The following OXR1 variants were observed in gnomAD, a reference collection of about 807,000 sequenced individuals.
OXR1 encodes oxidation resistance protein 1.
A neutral mutation model predicts 104.6 loss-of-function variants in OXR1; 41 were observed. That is an observed-to-expected ratio of 0.39 (90% CI 0.31 to 0.51). The LOEUF (loss-of-function observed/expected upper bound fraction) is 0.51. Ranked by LOEUF, OXR1 falls within the 20% of genes least tolerant of loss-of-function variation. The pLI is 0.77. For synonymous variants in OXR1, 348 were observed against 348.4 expected (o/e 1.00, Z 0.01); for missense variants, 955 against 1,031.9 (o/e 0.93, Z 1.02).
intron 3 of OXR1, among the ~76,000 whole-genome samples, chr8:106,620,256 T>C (rs1047284147): frequency 6.6e-6 from 1 of 152,218 alleles, no homozygotes; most frequent in Admixed American, 6.5e-5. Flanking sequence ...TTTCAAATTT[T>C]AACTTTTTAA....
At chr8:106,714,550 T>G (rs193044722) in intron 11 of OXR1, among the ~76,000 whole-genome samples, 3 of 152,212 alleles carry the variant, frequency 2.0e-5, no homozygotes, top group Non-Finnish European at 4.4e-5. Context: ...ATGCTCAGAT[T>G]TACTGAACTT....
intron 2 of OXR1, among the ~76,000 whole-genome samples, chr8:106,403,441 C>G (rs1818083830): frequency 6.6e-6 from 1 of 152,220 alleles, no homozygotes; most frequent in Non-Finnish European, 1.5e-5. Context: ...GGGTGTAGTT[C>G]CCACAGTAAG....
At chr8:106,388,249 A>T (rs376158491) in intron 2 of OXR1, among the ~76,000 whole-genome samples, 90 of 152,268 alleles carry the variant, frequency 5.9e-4, no homozygotes, top group African/African-American at 2.1e-3. Flanking sequence ...TTATTTGAAG[A>T]CCTAGTTGTA....
intron 2 of OXR1, among the ~76,000 whole-genome samples, chr8:106,378,584 A>G (rs540571610): frequency 6.6e-6 from 1 of 152,294 alleles, no homozygotes; most frequent in South Asian, 2.1e-4. Flanking sequence ...ATCTCGGCTC[A>G]CCACAACTTC....
intron 3 of OXR1, among the ~76,000 whole-genome samples, chr8:106,642,882 A>G (rs1308571627): frequency 6.6e-6 from 1 of 152,196 alleles, no homozygotes; most frequent in Non-Finnish European, 1.5e-5. Flanking sequence ...TCTTCTGCGT[A>G]TTAGAAAGAT....
intron 2 of OXR1, among the ~76,000 whole-genome samples, chr8:106,416,643 A>T (rs1818690395): frequency 6.6e-6 from 1 of 152,074 alleles, no homozygotes. Flanking sequence ...GTAAGAATTC[A>T]ATTTGTATTA....
intron 7 of OXR1, among the ~76,000 whole-genome samples, chr8:106,699,357 A>C (rs1382594716): frequency 6.6e-6 from 1 of 152,104 alleles, no homozygotes; most frequent in African/African-American, 2.4e-5. Flanking sequence ...AAGCTTTCTC[A>C]CTGGACAGTG....
rs779174203 is a variant in OXR1 at position 106,707,246 on chromosome 8, G to A, written c.1624+101G>A. ...CCGCTGTACCTTAGGGCAACCTGAA[G>A]GATAAGTGAGTGACCCTTGACCGGT... On this transcript the variant is annotated intron_variant, in intron 9 of 16. Coordinates refer to ENST00000517566, the MANE Select transcript of OXR1 (RefSeq NM_001198533.2). 7 of 944,404 alleles carry A rather than the reference G, an allele frequency of 7.4e-6. No homozygotes were observed. The Admixed American group carries it at 1.1e-4, about 15-fold the overall frequency. The allele number at this position is 944,404 out of a possible 1,614,324, so 58.5% of individuals were successfully genotyped here. A position where few individuals can be genotyped will look rare whatever the true frequency, so the allele number is the denominator to read the frequency against.
chr8:106,706,714 C>G lies in OXR1; in HGVS notation c.1193C>G (p.Thr398Ser). 2 of 1,611,512 alleles carry G rather than the reference C, an allele frequency of 1.2e-6. No homozygotes were observed. The highest frequency in any genetic ancestry group is 1.1e-5 in the South Asian group (1 of 90,366). Residue 398 changes from threonine to serine, a missense_variant, in exon 9 of 17, where the codon ACT becomes AGT. This residue lies in a region of OXR1 where 849 missense variants were observed against 852.9 expected (regional missense o/e 1.00). Coordinates refer to ENST00000517566, the MANE Select transcript of OXR1 (RefSeq NM_001198533.2). ...ACTCCTGGTCACTTAAGATCTGATA[C>G]TGAACATTCTACAAATGAAGTTGGG... ...TGTPGHLRSD[T>S]EHSTNEVGTL...
intron 1 of OXR1, among the ~76,000 whole-genome samples, chr8:106,345,813 T>C (rs1227071736): frequency 6.6e-6 from 1 of 152,212 alleles, no homozygotes; most frequent in African/African-American, 2.4e-5. Flanking sequence ...CTTCCCTGTG[T>C]CACTCAAGCA....
rs1386623590 is a variant in OXR1, at chr8:106,482,823, G to A, written c.24-36120G>A. On this transcript the variant is annotated intron_variant, in intron 2 of 16. Transcript: ENST00000517566. ...TCAAAAACTCTTTCAAATGAGCAGT[G>A]GTTTTACACATGTCATGATGTGTAA... Among the ~76,000 whole-genome samples, 5 of 151,478 alleles carry A rather than the reference G, an allele frequency of 3.3e-5. No homozygotes were observed. In the East Asian group the frequency reaches 9.7e-4, roughly 29 times the overall value.
At chr8:106,380,576 C>T (rs1383495143) in intron 2 of OXR1, among the ~76,000 whole-genome samples, 1 of 152,204 alleles carries the variant, frequency 6.6e-6, no homozygotes, top group Admixed American at 6.5e-5. Flanking sequence ...TCCCATTCTA[C>T]ATTCCCACCT....
intron 3 of OXR1, chr8:106,657,794 C>T: frequency 8.2e-7 from 1 of 1,213,830 alleles, no homozygotes; most frequent in South Asian, 4.3e-5. Flanking sequence ...GCTCCCCCGA[C>T]GCGTGGTTTC....
At chr8:106,739,643 CAGCCTCTTTTTAGT>C in intron 13 of OXR1, 60 bp downstream of exon 13, 1 of 1,530,702 alleles carries the variant, frequency 6.5e-7, no homozygotes, top group South Asian at 1.2e-5. Context: ...GAGAGTAAAA[CAGCCTCTTTTTAGT>C]TGTTTCTGAA....
At chr8:106,510,170 T>C (rs1320058548) in intron 2 of OXR1, among the ~76,000 whole-genome samples, 1 of 152,244 alleles carries the variant, frequency 6.6e-6, no homozygotes, top group East Asian at 1.9e-4. Flanking sequence ...GTCTTTTTTT[T>C]AGTTTATTTT....
At chr8:106,312,226 A>G (rs1020057718) in intron 1 of OXR1, among the ~76,000 whole-genome samples, 1 of 152,230 alleles carries the variant, frequency 6.6e-6, no homozygotes, top group Non-Finnish European at 1.5e-5. Flanking sequence ...GTTAACAATC[A>G]TAGTACCAAA....
intron 3 of OXR1, among the ~76,000 whole-genome samples, chr8:106,567,012 G>A (rs752841647): frequency 1.6e-4 from 24 of 152,126 alleles, no homozygotes; most frequent in Admixed American, 1.4e-3. Context: ...AGTACCTAAT[G>A]TAGATGATGG....
intron 2 of OXR1, among the ~76,000 whole-genome samples, chr8:106,504,933 G>T (rs1331353066): frequency 2.0e-5 from 3 of 152,018 alleles, no homozygotes; most frequent in African/African-American, 7.2e-5. Flanking sequence ...TTTACCACCT[G>T]CAGAAGTATG....
At chr8:106,495,848 C>T (rs1811378550) in intron 2 of OXR1, among the ~76,000 whole-genome samples, 1 of 152,060 alleles carries the variant, frequency 6.6e-6, no homozygotes, top group Admixed American at 6.6e-5. Context: ...TTTATTAATT[C>T]ATAAAATATT....
Sources: gnomAD v4.1 joint callset for allele counts (sites outside exome capture counted in the v4.1 genomes callset) on GRCh38, gnomAD v4.1.1 for gene constraint, gnomAD v4.1.1 regional missense constraint, MANE v1.5 for transcripts, NCBI Gene and HGNC (gene_info 2026-07-23, HGNC 2026-07-21) for gene names.